RELN: variants seen among roughly 807,000 people sequenced by gnomAD.
RELN encodes reelin.
Under a neutral mutation model 427.6 loss-of-function variants are expected in RELN, and 108 were observed. The observed-to-expected ratio is 0.25, with a 90% CI of 0.22 to 0.30. The LOEUF is 0.30. Among genes scored for constraint, RELN ranks in the 10% least tolerant of loss-of-function variants. The pLI is 1.00. For synonymous variants in RELN, 1,524 were observed against 1,513.4 expected (o/e 1.01, Z -0.16); for missense variants, 3,715 against 4,302.8 (o/e 0.86, Z 3.82).
Position 103,583,788 on chromosome 7 carries a change from C to T in RELN, c.4145+5808G>A, listed in dbSNP as rs147678899. On this transcript the variant is annotated intron_variant, in intron 28 of 64. Transcript: ENST00000428762. ...AGGGCTTGGAACTATGGGGAAAGAG[C>T]GTCAGCAGTCCACCTCCCTGCCACA... Among the ~76,000 whole-genome samples the T allele has an allele frequency of 8.9e-4, 136 of 152,250 alleles. 2 individuals carry two copies. The highest frequency in any genetic ancestry group is 3.2e-3 in the African/African-American group (133 of 41,544).
At chr7:103,575,807 A>C in intron 28 of RELN, 102 bp from the exon 29 acceptor site, 1 of 1,303,074 alleles carries the variant, frequency 7.7e-7, no homozygotes, top group Non-Finnish European at 1.1e-6. Context: ...CTTAATATTT[A>C]TTTGAAAGTC....
intron 41 of RELN, among the ~76,000 whole-genome samples, chr7:103,548,241 C>CTAT (rs771072426): frequency 2.0e-5 from 3 of 152,146 alleles, no homozygotes; most frequent in Non-Finnish European, 4.4e-5. Context: ...CAAAATTTGA[C>CTAT]TATTTTGCAC....
At chr7:103,770,543 T>C (rs1464432849) in intron 4 of RELN, among the ~76,000 whole-genome samples, 1 of 152,178 alleles carries the variant, frequency 6.6e-6, no homozygotes, top group Non-Finnish European at 1.5e-5. Flanking sequence ...GGTGTTTGGC[T>C]GCAAGGCACT....
At chr7:103,546,244 A>C (rs1387904726) in intron 41 of RELN, among the ~76,000 whole-genome samples, 1 of 152,240 alleles carries the variant, frequency 6.6e-6, no homozygotes, top group Non-Finnish European at 1.5e-5. Flanking sequence ...GAAAGATAGA[A>C]TATGTGACCT....
At position 103,620,068 on chromosome 7, in the gene RELN, G is replaced by C. The variant is rs184046727; in HGVS notation, c.2703-8265C>G. On this transcript the variant is annotated intron_variant, in intron 20 of 64. Coordinates refer to ENST00000428762, the MANE Select transcript of RELN (RefSeq NM_005045.4). This position sits in a 1 kb window ranked among gnomAD's most constrained non-coding sequence, Gnocchi z 4.1. Reference sequence around the variant, plus strand: ...GCATTGTGGTGCCCATAATTCCTACGTGTTGTGGGAGGGATCCAGTGGGAG... The same window carrying C: ...GCATTGTGGTGCCCATAATTCCTACCTGTTGTGGGAGGGATCCAGTGGGAG... 9.2e-4 allele frequency among the ~76,000 whole-genome samples: 140 copies of C among 152,260 alleles called. 2 individuals carry two copies. Among genetic ancestry groups the C allele is most frequent in the African/African-American group, 3.1e-3 (130 of 41,546 alleles).
At chr7:103,773,156 CTTTCTTTCTTTT>C (rs1042208125) in intron 4 of RELN, among the ~76,000 whole-genome samples, 1 of 125,114 alleles carries the variant, frequency 8.0e-6, no homozygotes, top group Non-Finnish European at 1.7e-5. Context: ...TTCTTTCTTT[CTTTCTTTCTTTT>C]TCTTTCTTTC....
chr7:103,756,736 T>C (rs976165883), intron 4 of RELN, among the ~76,000 whole-genome samples: 1 of 150,410 alleles, frequency 6.6e-6, no homozygotes. Flanking sequence ...TTACATCGTA[T>C]TTTAAATCAC....
chr7:103,954,995 G>A (rs1040521923), intron 1 of RELN, among the ~76,000 whole-genome samples: 2 of 152,158 alleles, frequency 1.3e-5, no homozygotes, highest in African/African-American at 4.8e-5. Context: ...CTTTAAAACT[G>A]GTTTTAGCTA....
chr7:103,883,167 C>G (rs1019906629), intron 2 of RELN, among the ~76,000 whole-genome samples: 2 of 152,168 alleles, frequency 1.3e-5, no homozygotes, highest in Non-Finnish European at 2.9e-5. Flanking sequence ...ATCACATAAA[C>G]AGAACCAATG....
At chr7:103,962,027 G>A (rs1373283143) in intron 1 of RELN, among the ~76,000 whole-genome samples, 1 of 152,152 alleles carries the variant, frequency 6.6e-6, no homozygotes, top group African/African-American at 2.4e-5. Flanking sequence ...TCTTCTTTCT[G>A]AAAGACTGTA....
chr7:103,940,720 G>A lies in RELN; in HGVS notation c.227-23535C>T, dbSNP rs140371751. On this transcript the variant is annotated intron_variant, in intron 1 of 64. Coordinates refer to ENST00000428762, the MANE Select transcript of RELN (RefSeq NM_005045.4). The stretch of plus-strand genomic sequence containing the variant: ...GAAAGGAACCAAATTGCTTTAATTT[G>A]CTTCCAGATTCAATAAAATTGCTTC... 1.8e-3 allele frequency among the ~76,000 whole-genome samples: 281 copies of A among 152,274 alleles called. 1 individual carries two copies. The highest frequency in any genetic ancestry group is 3.3e-3 in the Non-Finnish European group (227 of 68,028).
At position 103,486,203 on chromosome 7, in the gene RELN, C is replaced by T. The variant is rs766223649; in HGVS notation, c.9977G>A (p.Arg3326Gln). The change falls in exon 61 of 65, where the codon CGA becomes CAA. Residue 3326 changes from arginine to glutamine, a missense_variant. By Grantham distance (43) the Arg-to-Gln change is conservative. Transcript: ENST00000428762. ...AATATGGAGGTTTGGGTACCTTGCT[C>T]GAGTGAGATCCAGAGGCTTGGTAGC... ...QAATKPLDLT[R>Q]ASKIMFVLQI... 7 of 1,613,094 alleles carry T rather than the reference C, an allele frequency of 4.3e-6. No homozygotes were observed. Among genetic ancestry groups the T allele is most frequent in the African/African-American group, 1.3e-5 (1 of 74,870 alleles).
intron 3 of RELN, among the ~76,000 whole-genome samples, chr7:103,830,715 C>T (rs1285912843): frequency 1.3e-5 from 2 of 152,018 alleles, no homozygotes; most frequent in African/African-American, 4.8e-5. Flanking sequence ...TGAATTCCTT[C>T]AGTGGCCCAT....
intron 6 of RELN, among the ~76,000 whole-genome samples, chr7:103,736,668 C>G (rs530760389): frequency 6.6e-6 from 1 of 152,276 alleles, no homozygotes; most frequent in South Asian, 2.1e-4. Flanking sequence ...AATATTCTGA[C>G]CTCCTACTAT....
At chr7:103,925,766 G>A (rs1795717559) in intron 1 of RELN, among the ~76,000 whole-genome samples, 1 of 152,100 alleles carries the variant, frequency 6.6e-6, no homozygotes, top group South Asian at 2.1e-4. Context: ...TTTTAACAAT[G>A]TTTTTCTTTT....
At chr7:103,576,554 A>C (rs1271797601) in intron 28 of RELN, among the ~76,000 whole-genome samples, 1 of 152,228 alleles carries the variant, frequency 6.6e-6, no homozygotes, top group Non-Finnish European at 1.5e-5. Context: ...CCCTTCTATC[A>C]CACTCAGTTT....
intron 61 of RELN, among the ~76,000 whole-genome samples, 184 bp from the exon 62 acceptor site, chr7:103,484,034 C>T (rs920587581): frequency 2.6e-5 from 4 of 151,998 alleles, no homozygotes; most frequent in African/African-American, 9.7e-5. Context: ...TGTGCGCCAC[C>T]ACGCCTGGCT....
At chr7:103,595,609 A>AT (rs1831518962) in intron 25 of RELN, among the ~76,000 whole-genome samples, 1 of 151,954 alleles carries the variant, frequency 6.6e-6, no homozygotes, top group Non-Finnish European at 1.5e-5. Context: ...GTCTTAAATA[A>AT]TTTTTTTTCA....
intron 55 of RELN, among the ~76,000 whole-genome samples, 178 bp from the exon 56 acceptor site, chr7:103,496,946 CTAA>C (rs1248798981): frequency 6.6e-6 from 1 of 152,076 alleles, no homozygotes; most frequent in Admixed American, 6.6e-5. Context: ...CTGTATGAGG[CTAA>C]TGATATGAGG....
Sources: gnomAD v4.1 joint callset for allele counts (sites outside exome capture counted in the v4.1 genomes callset) on GRCh38, gnomAD v4.1.1 for gene constraint, Gnocchi (gnomAD v3.1) non-coding constraint, MANE v1.5 for transcripts, NCBI Gene and HGNC (gene_info 2026-07-23, HGNC 2026-07-21) for gene names.